The following THSD7B variants were observed in gnomAD, a reference collection of about 807,000 sequenced individuals.
THSD7B encodes the protein thrombospondin type 1 domain containing 7B, also known as thrombospondin type-1 domain-containing protein 7B.
A neutral mutation model predicts 213.6 loss-of-function variants in THSD7B; 138 were observed. The ratio of observed to expected loss-of-function variants is 0.65; its 90% confidence interval spans 0.56 to 0.74. The LOEUF (loss-of-function observed/expected upper bound fraction) is 0.74, where lower values mean the gene tolerates loss of function less well. Among genes scored for constraint, THSD7B ranks in the 30% least tolerant of loss-of-function variants. The pLI is 0.00. For synonymous variants in THSD7B, 742 were observed against 687.0 expected (o/e 1.08, Z -1.25); for missense variants, 1,931 against 1,991.5 (o/e 0.97, Z 0.58).
chr2:136,990,004 C>G (rs1685740578), intron 2 of THSD7B, among the ~76,000 whole-genome samples: 1 of 152,106 alleles, frequency 6.6e-6, no homozygotes, highest in South Asian at 2.1e-4. Flanking sequence ...GCTTTCTTTT[C>G]TTGTTTTAAA....
chr2:137,264,246 C>G (rs1394912859), intron 10 of THSD7B, among the ~76,000 whole-genome samples: 4 of 150,048 alleles, frequency 2.7e-5, no homozygotes, highest in African/African-American at 9.9e-5. Flanking sequence ...TTAGAAACAG[C>G]CTTTTTTTTT....
chr2:136,866,820 T>C lies in THSD7B; in HGVS notation c.-35-15324T>C, dbSNP rs149479467. Among the ~76,000 whole-genome samples, 12 of 152,300 alleles carry C rather than the reference T, an allele frequency of 7.9e-5. No individual in the cohort carries two copies. In the East Asian group the frequency reaches 1.9e-3, roughly 24 times the overall value. ...AAAGGTGTAATGTTGATGGGATGAA[T>C]AGAAGAAAGCTGGGTTTCTAGCAGA... On this transcript the variant is annotated intron_variant, in intron 1 of 27. Coordinates refer to ENST00000409968, the MANE Select transcript of THSD7B (RefSeq NM_001316349.2).
intron 27 of THSD7B, among the ~76,000 whole-genome samples, chr2:137,673,495 T>G (rs57463395): frequency 0.11 from 17,365 of 152,146 alleles, 1,725 homozygotes; most frequent in East Asian, 0.33. Flanking sequence ...GGGTCCTGAT[T>G]TAGTGAGTGA....
chr2:137,025,106 C>T (rs999283109), intron 2 of THSD7B, among the ~76,000 whole-genome samples: 5 of 152,114 alleles, frequency 3.3e-5, no homozygotes, highest in Non-Finnish European at 7.4e-5. Context: ...GAGAGTTCCC[C>T]GTTAGAGTTA....
At chr2:137,490,861 G>A (rs1448911) in intron 15 of THSD7B, among the ~76,000 whole-genome samples, 151,439 of 152,376 alleles carry the variant, frequency 0.99, 75,264 homozygotes, top group Middle Eastern at 1. Context: ...TTTTAATTAC[G>A]AAGACAATTG....
chr2:137,086,933 G>T (rs1270477750), intron 3 of THSD7B, among the ~76,000 whole-genome samples: 1 of 152,224 alleles, frequency 6.6e-6, no homozygotes, highest in East Asian at 1.9e-4. Flanking sequence ...AACACATAGA[G>T]ATATGTACAA....
intron 12 of THSD7B, among the ~76,000 whole-genome samples, chr2:137,350,116 A>C (rs1351881916): frequency 6.6e-6 from 1 of 151,866 alleles, no homozygotes; most frequent in Non-Finnish European, 1.5e-5. Context: ...ATACAGCAGA[A>C]GATACATGCT....
chr2:136,892,001 T>C (rs1353414006), intron 2 of THSD7B, among the ~76,000 whole-genome samples: 1 of 152,078 alleles, frequency 6.6e-6, no homozygotes, highest in Non-Finnish European at 1.5e-5. Context: ...AGGACTTAAC[T>C]AGCTGGGGTT....
intron 14 of THSD7B, among the ~76,000 whole-genome samples, chr2:137,420,920 T>A (rs1686909933): frequency 6.6e-6 from 1 of 152,172 alleles, no homozygotes; most frequent in Non-Finnish European, 1.5e-5. Context: ...CCTGGCCTTT[T>A]CCCCTTTCTA....
intron 5 of THSD7B, among the ~76,000 whole-genome samples, chr2:137,127,698 C>A (rs1248715455): frequency 6.6e-6 from 1 of 152,168 alleles, no homozygotes; most frequent in Non-Finnish European, 1.5e-5. Context: ...GGGTGGATTT[C>A]TTGAGGTCAA....
intron 12 of THSD7B, among the ~76,000 whole-genome samples, chr2:137,283,047 A>G (rs931191497): frequency 9.2e-5 from 14 of 152,208 alleles, no homozygotes; most frequent in Middle Eastern, 3.4e-3. Flanking sequence ...AGCATGGAAT[A>G]TTCTTCCATT....
intron 27 of THSD7B, among the ~76,000 whole-genome samples, chr2:137,670,419 G>A (rs1207682191): frequency 1.3e-5 from 2 of 152,030 alleles, no homozygotes; most frequent in Non-Finnish European, 2.9e-5. Context: ...CCCTGTACAG[G>A]CTGGTGTGTT....
intron 12 of THSD7B, among the ~76,000 whole-genome samples, chr2:137,303,837 C>T (rs1216376643): frequency 2.0e-5 from 3 of 148,098 alleles, no homozygotes; most frequent in Non-Finnish European, 4.4e-5. Flanking sequence ...ACTTTAAGTT[C>T]GGGGATCCAT....
At chr2:137,120,532 G>C (rs1014662074) in intron 5 of THSD7B, among the ~76,000 whole-genome samples, 1 of 151,952 alleles carries the variant, frequency 6.6e-6, no homozygotes. Context: ...TGGGGAAGGG[G>C]AGAGCAGGGA....
chr2:136,962,535 G>A (rs1685238751), intron 2 of THSD7B, among the ~76,000 whole-genome samples: 1 of 148,838 alleles, frequency 6.7e-6, no homozygotes, highest in African/African-American at 2.5e-5. Flanking sequence ...AGTCTATTGT[G>A]TGTGGGTGGA....
intron 12 of THSD7B, among the ~76,000 whole-genome samples, chr2:137,307,462 C>T (rs552301371): frequency 2.6e-5 from 4 of 152,200 alleles, no homozygotes; most frequent in Admixed American, 1.3e-4. Flanking sequence ...TGAATCAATA[C>T]GAATTTCCAC....
At chr2:137,271,394 A>C (rs1682730790) in intron 10 of THSD7B, among the ~76,000 whole-genome samples, 2 of 139,970 alleles carry the variant, frequency 1.4e-5, no homozygotes, top group African/African-American at 5.4e-5. Context: ...TATATTATGA[A>C]TTATATATAT....
intron 5 of THSD7B, among the ~76,000 whole-genome samples, chr2:137,123,492 A>G (rs985967689): frequency 3.9e-5 from 6 of 152,290 alleles, no homozygotes; most frequent in East Asian, 1.9e-4. Context: ...GCCACACAGC[A>G]TTCCCTCATA....
chr2:137,128,351 A>G (rs1180836146), intron 5 of THSD7B, among the ~76,000 whole-genome samples: 3 of 152,214 alleles, frequency 2.0e-5, no homozygotes, highest in South Asian at 2.1e-4. Flanking sequence ...AAGAAATTGT[A>G]TTTTGAGATT....
Sources: gnomAD v4.1 joint callset for allele counts (sites outside exome capture counted in the v4.1 genomes callset) on GRCh38, gnomAD v4.1.1 for gene constraint, MANE v1.5 for transcripts, NCBI Gene and HGNC (gene_info 2026-07-23, HGNC 2026-07-21) for gene names.